ACSL1: variants seen among roughly 807,000 people sequenced by gnomAD.
ACSL1 encodes acyl-CoA synthetase long chain family member 1, also known as long-chain-fatty-acid--CoA ligase 1.
ACSL1 carries 41 observed loss-of-function variants against 98.4 expected under a neutral mutation model. The observed-to-expected ratio is 0.42, with a 90% CI of 0.32 to 0.54. ACSL1 has a LOEUF of 0.54. Ranked by LOEUF, ACSL1 falls within the 20% of genes least tolerant of loss-of-function variation. The pLI is 0.13. For synonymous variants in ACSL1, 316 were observed against 322.7 expected, an observed-to-expected ratio of 0.98 and a Z score of 0.22; for missense variants, 734 against 883.1, an observed-to-expected ratio of 0.83 and a Z score of 2.14.
At chr4:184,816,037 T>C (rs556339253) in intron 1 of ACSL1, among the ~76,000 whole-genome samples, 9 of 151,672 alleles carry the variant, frequency 5.9e-5, no homozygotes, top group South Asian at 2.1e-4. Context: ...GGAGAGTCGA[T>C]TGAACCTGTG....
At position 184,803,624 on chromosome 4, in the gene ACSL1, G is replaced by A. The variant is rs1770922152; in HGVS notation, c.-32-78C>T. On this transcript the variant is annotated intron_variant, in intron 1 of 20. Coordinates refer to ENST00000281455, the MANE Select transcript of ACSL1 (RefSeq NM_001995.5). The surrounding 1 kb of genome is among the most constrained non-coding windows in gnomAD (Gnocchi z 4.8). ...CAGAACTCCAAAATTCCACCGGCCA[G>A]CCATCTAATTGGGTAGCTGCTCGGC... 9.6e-7 allele frequency: 1 copy of A among 1,045,572 alleles called. No homozygotes were observed. Among genetic ancestry groups the A allele is most frequent in the East Asian group, 3.0e-5 (1 of 33,466 alleles). 64.8% of individuals were successfully genotyped at this position (1,045,572 alleles called of 1,614,324 possible).
chr4:184,824,286 TG>T (rs150229929), intron 1 of ACSL1, among the ~76,000 whole-genome samples: 12,880 of 152,066 alleles, frequency 0.085, 754 homozygotes, highest in Non-Finnish European at 0.12. Context: ...CCACCACGCC[TG>T]GCTAATTATT....
chr4:184,774,913 T>C (rs911443673), intron 7 of ACSL1, among the ~76,000 whole-genome samples: 2 of 152,378 alleles, frequency 1.3e-5, no homozygotes, highest in East Asian at 3.9e-4. Flanking sequence ...TCTGTACATT[T>C]TTTTCAAAAT....
At chr4:184,759,346 T>C (rs1169216006) in intron 18 of ACSL1, among the ~76,000 whole-genome samples, 1 of 152,162 alleles carries the variant, frequency 6.6e-6, no homozygotes, top group Non-Finnish European at 1.5e-5. Context: ...TGGGATCTAA[T>C]TAAACTAAAC....
chr4:184,764,625 C>T, intron 15 of ACSL1, among the ~76,000 whole-genome samples: 1 of 152,174 alleles, frequency 6.6e-6, no homozygotes, highest in Non-Finnish European at 1.5e-5. Flanking sequence ...TCTCTGCTGC[C>T]ACCAGCTTTA....
At chr4:184,795,657 T>C (rs557023196) in intron 2 of ACSL1, among the ~76,000 whole-genome samples, 1 of 152,320 alleles carries the variant, frequency 6.6e-6, no homozygotes, top group Admixed American at 6.5e-5. Context: ...CCACTGCTCA[T>C]TACCAGCTCT....
intron 2 of ACSL1, among the ~76,000 whole-genome samples, chr4:184,801,996 C>T (rs1346672012): frequency 6.6e-6 from 1 of 152,232 alleles, no homozygotes; most frequent in Non-Finnish European, 1.5e-5. Flanking sequence ...TGCCGTGACA[C>T]ATCAGGTGCT....
chr4:184,821,122 T>C (rs925415976), intron 1 of ACSL1: 1 of 456,332 alleles, frequency 2.2e-6, no homozygotes, highest in African/African-American at 2.0e-5. Context: ...TAGCAGCACC[T>C]GGCTCTGTCT....
At position 184,766,848 on chromosome 4, in the gene ACSL1, G is replaced by A; in HGVS notation, c.1129-92C>T. 1.4e-6 allele frequency: 2 copies of A among 1,409,490 alleles called. No individual in the cohort carries two copies. The highest frequency in any genetic ancestry group is 4.6e-5 in the Admixed American group (2 of 43,956). 87.3% of individuals were successfully genotyped at this position (1,409,490 alleles called of 1,614,324 possible). On this transcript the variant is annotated intron_variant, in intron 12 of 20. Transcript: ENST00000281455. This position sits in a 1 kb window ranked among gnomAD's most constrained non-coding sequence, Gnocchi z 4.8. ...AAATCAGAACCCTCACACACAGCTG[G>A]GGAACACAAAATGGCACAGCTGCTC... is the stretch of plus-strand genomic sequence containing the variant.
At chr4:184,781,615 T>C (rs1462094075) in intron 4 of ACSL1, among the ~76,000 whole-genome samples, 2 of 152,160 alleles carry the variant, frequency 1.3e-5, no homozygotes, top group Admixed American at 6.5e-5. Flanking sequence ...TTCTTTCTTT[T>C]TTTTTCTTTT....
At position 184,792,924 on chromosome 4, in the gene ACSL1, A is replaced by G. The variant is rs115494595; in HGVS notation, c.196-4193T>C. On this transcript the variant is annotated intron_variant, in intron 2 of 20. Transcript: ENST00000281455. ...TTCAAAAGCTGGGGACTTAAATACT[A>G]TATTAGGTAAGTCCACGTAGCTATT... 5.3e-3 allele frequency among the ~76,000 whole-genome samples: 813 copies of G among 152,316 alleles called. 4 individuals carry two copies. Among genetic ancestry groups the G allele is most frequent in the Middle Eastern group, 0.02 (6 of 294 alleles).
intron 1 of ACSL1, among the ~76,000 whole-genome samples, chr4:184,807,979 A>G (rs1242719046): frequency 6.6e-6 from 1 of 152,232 alleles, no homozygotes; most frequent in Non-Finnish European, 1.5e-5. Flanking sequence ...CCATGAGGTC[A>G]GGTTTCTAAA....
At position 184,811,260 on chromosome 4, in the gene ACSL1, C is replaced by T. The variant is rs965042194; in HGVS notation, c.-32-7714G>A. ...AGTAGCTGGAACTTCAGGCACCCGCCACCACGCCTGGCTAATTTTTTTTTT... is the reference window on the plus strand; with the variant it reads ...AGTAGCTGGAACTTCAGGCACCCGCTACCACGCCTGGCTAATTTTTTTTTT... On this transcript the variant is annotated intron_variant, in intron 1 of 20. Transcript: ENST00000281455. Among the ~76,000 whole-genome samples, 7 of 151,848 alleles carry T rather than the reference C, an allele frequency of 4.6e-5. 1 individual carries two copies. In the East Asian group the frequency reaches 5.8e-4, roughly 13 times the overall value.
In ACSL1 at chr4:184,762,391, G is replaced by C; in HGVS notation, c.1638+16C>G. ...TGGAACTGAACTGTTTGTGACCTGA[G>C]GAGGCGGCAACTTACTGGTAACCAT... On this transcript the variant is annotated intron_variant, in intron 17 of 20. Transcript: ENST00000281455. 1 of 1,593,110 alleles carries C rather than the reference G, an allele frequency of 6.3e-7. No homozygotes were observed. Among genetic ancestry groups the C allele is most frequent in the Non-Finnish European group, 8.6e-7 (1 of 1,160,880 alleles).
Position 184,757,928 on chromosome 4 carries a change from A to G in ACSL1, c.1783-8T>C. 1 of 1,611,292 alleles carries G rather than the reference A, an allele frequency of 6.2e-7. No individual in the cohort carries two copies. The highest frequency in any genetic ancestry group is 8.5e-7 in the Non-Finnish European group (1 of 1,177,558). On this transcript the variant is annotated splice_region_variant and splice_polypyrimidine_tract_variant and intron_variant, in intron 18 of 20. Coordinates refer to ENST00000281455, the MANE Select transcript of ACSL1 (RefSeq NM_001995.5). This position sits in a 1 kb window ranked among gnomAD's most constrained non-coding sequence, Gnocchi z 4.5. ...AATTGCAATGAGAAATGCCTTTAAC[A>G]CAGACAAATGAGTTATTACATAGCT...
chr4:184,809,773 G>A (rs1391140737), intron 1 of ACSL1, among the ~76,000 whole-genome samples: 4 of 152,176 alleles, frequency 2.6e-5, no homozygotes, highest in African/African-American at 9.7e-5. Flanking sequence ...TCCAGCCTGG[G>A]CGACAGAGCG....
In ACSL1 at chr4:184,765,923, G is replaced by A. The variant is rs1763524344; in HGVS notation, c.1327C>T (p.Leu443=). ...TGAAPVSATV[L]TFLRAALGCQ... Reference sequence around the variant, plus strand: ...CCCAGGGCTGCTCTGAGGAACGTCAGCACAGTGGCAGACACCGGGGCGGCT... The same window carrying A: ...CCCAGGGCTGCTCTGAGGAACGTCAACACAGTGGCAGACACCGGGGCGGCT... The change falls in exon 14 of 21, where the codon CTG becomes TTG. Residue 443 remains leucine (L), a synonymous_variant. Transcript: ENST00000281455. The A allele has an allele frequency of 5.0e-6, 8 of 1,613,952 alleles. No individual in the cohort carries two copies. Among genetic ancestry groups the A allele is most frequent in the Middle Eastern group, 1.6e-4 (1 of 6,082 alleles).
intron 12 of ACSL1, chr4:184,767,955 C>G (rs1043202885): frequency 2.7e-6 from 1 of 370,124 alleles, no homozygotes; most frequent in Non-Finnish European, 4.8e-6. Context: ...ACTATTCTTA[C>G]GTGATCCCAT....
chr4:184,773,329 A>T lies in ACSL1; in HGVS notation c.842-175T>A, dbSNP rs1764783648. Among the ~76,000 whole-genome samples the T allele has an allele frequency of 6.6e-6, 1 of 152,258 alleles. No individual in the cohort carries two copies. The highest frequency in any genetic ancestry group is 1.5e-5 in the Non-Finnish European group (1 of 68,048). On this transcript the variant is annotated intron_variant, in intron 9 of 20. Coordinates refer to ENST00000281455, the MANE Select transcript of ACSL1 (RefSeq NM_001995.5). The surrounding 1 kb of genome is among the most constrained non-coding windows in gnomAD (Gnocchi z 4.3). ...CAATCCTTACACTGACTTATCTTTA[A>T]AAACCTTTATTAATATGGGCACATT...
Sources: allele counts gnomAD v4.1 joint callset (sites outside exome capture counted in the v4.1 genomes callset), GRCh38; gene constraint gnomAD v4.1.1; non-coding constraint Gnocchi (gnomAD v3.1); transcripts MANE v1.5; gene names NCBI Gene and HGNC (gene_info 2026-07-23, HGNC 2026-07-21).